The following C22orf31 variants were observed in gnomAD, a reference collection of about 807,000 sequenced individuals.
C22orf31 encodes uncharacterized protein C22orf31.
A neutral mutation model predicts 15.0 loss-of-function variants in C22orf31; 11 were observed. That is an observed-to-expected ratio of 0.73 (90% CI 0.46 to 1.21). The LOEUF (loss-of-function observed/expected upper bound fraction) is 1.21. Ranked by LOEUF, C22orf31 falls within the 50% of genes most tolerant of loss-of-function variation. C22orf31 has a pLI of 0.00. For missense variants in C22orf31, 340 were observed against 347.2 expected, an observed-to-expected ratio of 0.98 and a Z score of 0.17; for synonymous variants, 132 against 133.3, an observed-to-expected ratio of 0.99 and a Z score of 0.07.
chr22:29,060,520 G>C lies in C22orf31; in HGVS notation c.327C>G (p.Asp109Glu), dbSNP rs777003703. 1 of 1,613,960 alleles carries C rather than the reference G, an allele frequency of 6.2e-7. No individual in the cohort carries two copies. The change falls in exon 2 of 3, where the codon GAC (aspartate) becomes GAG (glutamate). Residue 109 changes from aspartate to glutamate, a missense_variant. Physicochemically the swap from Asp to Glu is conservative, Grantham distance 45. Transcript: ENST00000216071. Reference sequence around the variant, plus strand: ...GCTGGGTGGCTTTCATCACTGAATCGTCCTTGTGCTTTAATCTCTTCGAGA... The same window carrying C: ...GCTGGGTGGCTTTCATCACTGAATCCTCCTTGTGCTTTAATCTCTTCGAGA... Reference protein sequence around the residue: ...GKLSKRLKHKDDSVMKATQQA... With the variant: ...GKLSKRLKHKEDSVMKATQQA...
At position 29,059,086 on chromosome 22, in the gene C22orf31, C is replaced by G; in HGVS notation, c.529G>C (p.Asp177His). The part of the protein sequence containing the change: ...HVAATQALPQ[D>H]SGTAAWKGRV... ...CCCTTCCAGGCTGCTGTCCCACTGT[C>G]CTGGGGTAGCGCTTGGGTGGCAGCC... Residue 177 changes from aspartate (D) to histidine (H), a missense_variant, in exon 3 of 3, where the codon GAC becomes CAC. Physicochemically the swap from Asp to His is moderately conservative, Grantham distance 81. Coordinates refer to ENST00000216071, the MANE Select transcript of C22orf31 (RefSeq NM_015370.2). 1 of 1,614,188 alleles carries G rather than the reference C, an allele frequency of 6.2e-7. No individual in the cohort carries two copies. Among genetic ancestry groups the G allele is most frequent in the African/African-American group, 1.3e-5 (1 of 75,046 alleles).
chr22:29,068,759 C>CTTTT, the C22orf31 span, among the ~76,000 whole-genome samples: 1 of 113,116 alleles, frequency 8.8e-6, no homozygotes, highest in African/African-American at 3.5e-5. Flanking sequence ...CAACCTGGTA[C>CTTTT]TTTTTTTTTT....
chr22:29,059,340 C>T (rs560071235), intron 2 of C22orf31, among the ~76,000 whole-genome samples, 158 bp from the exon 3 acceptor site: 1 of 152,174 alleles, frequency 6.6e-6, no homozygotes, highest in Non-Finnish European at 1.5e-5. Flanking sequence ...CATACCACTG[C>T]ATGTGTTCCC....
upstream of C22orf31, among the ~76,000 whole-genome samples, chr22:29,064,221 C>G (rs2037414217): frequency 6.6e-6 from 1 of 152,228 alleles, no homozygotes. Flanking sequence ...CCTGGCCTCT[C>G]TGTTGGTCAG....
the C22orf31 span, chr22:29,073,066 C>A: frequency 1.0e-5 from 4 of 390,578 alleles, no homozygotes; most frequent in Non-Finnish European, 1.4e-5. This position sits in a 1 kb window ranked among gnomAD's most constrained non-coding sequence, Gnocchi z 4.4. Context: ...CCCATGGCCG[C>A]CCCCGGCTCC....
chr22:29,070,147 A>T, the C22orf31 span, among the ~76,000 whole-genome samples: 3 of 152,086 alleles, frequency 2.0e-5, no homozygotes, highest in African/African-American at 7.2e-5. Flanking sequence ...AGGTGTCACC[A>T]TGTTGGCCAG....
At chr22:29,060,255 C>T (rs1460543290) in intron 2 of C22orf31, among the ~76,000 whole-genome samples, 160 bp downstream of exon 2, 3 of 148,488 alleles carry the variant, frequency 2.0e-5, no homozygotes, top group African/African-American at 7.5e-5. Flanking sequence ...TGGTCTTGAA[C>T]TCTCTGAGCT....
At chr22:29,069,655 C>T in the C22orf31 span, among the ~76,000 whole-genome samples, 2 of 152,156 alleles carry the variant, frequency 1.3e-5, no homozygotes, top group Non-Finnish European at 2.9e-5. Context: ...CTGTTAAGTG[C>T]CATGACCTAG....
chr22:29,064,895 C>A (rs2037418977), upstream of C22orf31, among the ~76,000 whole-genome samples: 1 of 151,680 alleles, frequency 6.6e-6, no homozygotes, highest in African/African-American at 2.4e-5. Context: ...AATCTGTCAC[C>A]CAGGCTGAAG....
rs60535445 is a variant in C22orf31, at chr22:29,060,194, C to CTT, written c.432+219_432+220dup. 4.0e-3 allele frequency among the ~76,000 whole-genome samples: 520 copies of CTT among 128,796 alleles called. 4 individuals carry two copies. Among genetic ancestry groups the CTT allele is most frequent in the African/African-American group, 0.013 (455 of 33,954 alleles). 84.5% of individuals were successfully genotyped at this position (128,796 alleles called of 152,430 possible). A position where few individuals can be genotyped will look rare whatever the true frequency, so the allele number is the denominator to read the frequency against. ...TCACAGGCATGTGCATCATGCCTGG[C>CTT]TTTTTTTTTTTTTTTTTAGTAGAGA... On this transcript the variant is annotated intron_variant, in intron 2 of 2. Transcript: ENST00000216071.
intron 2 of C22orf31, chr22:29,059,622 A>G (rs2037360442): frequency 4.3e-6 from 4 of 923,854 alleles, no homozygotes; most frequent in South Asian, 5.0e-5. Flanking sequence ...GTCGTCCTCA[A>G]TTACAGTCCG....
chr22:29,060,421 G>A lies in C22orf31; in HGVS notation c.426C>T (p.Ile142=). 6.2e-7 allele frequency: 1 copy of A among 1,610,908 alleles called. No individual in the cohort carries two copies. The highest frequency in any genetic ancestry group is 8.5e-7 in the Non-Finnish European group (1 of 1,178,962). ...ACCACTGGTCCTCGTCTACCTCTCT[G>A]ATGCCTCCTGCAGGCCTCCTATGCC... ...PAGHRRPAGG[I]RESKESSKEK... Residue 142 remains isoleucine, a synonymous_variant, in exon 2 of 3, where the codon ATC becomes ATT. Coordinates refer to ENST00000216071, the MANE Select transcript of C22orf31 (RefSeq NM_015370.2).
In C22orf31 at chr22:29,061,753, C is replaced by T. The variant is rs376064149; in HGVS notation, c.3+37G>A. 3 of 1,472,592 alleles carry T rather than the reference C, an allele frequency of 2.0e-6. No homozygotes were observed. In the South Asian group the frequency reaches 3.7e-5, roughly 18 times the overall value. 91.2% of individuals were successfully genotyped at this position (1,472,592 alleles called of 1,614,324 possible). A position where few individuals can be genotyped will look rare whatever the true frequency, so the allele number is the denominator to read the frequency against. Reference sequence around the variant, plus strand: ...CACATATTTAAAGAGATCTGGCTTTCTAAGAAATGTCATCTATAGAAATAA... The same window carrying T: ...CACATATTTAAAGAGATCTGGCTTTTTAAGAAATGTCATCTATAGAAATAA... On this transcript the variant is annotated intron_variant, in intron 1 of 2. Coordinates refer to ENST00000216071, the MANE Select transcript of C22orf31 (RefSeq NM_015370.2).
upstream of C22orf31, among the ~76,000 whole-genome samples, chr22:29,066,539 C>CTTTTTTTTTTTTTTTTTTTTT (rs134565): frequency 5.8e-4 from 41 of 70,206 alleles, 3 homozygotes; most frequent in Admixed American, 1.2e-3. Context: ...CTTTTCTTTT[C>CTTTTTTTTTTTTTTTTTTTTT]TTTTTTTTTT....
the C22orf31 span, among the ~76,000 whole-genome samples, chr22:29,073,752 GC>G: frequency 6.8e-6 from 1 of 147,176 alleles, no homozygotes; most frequent in African/African-American, 2.5e-5. The surrounding 1 kb of genome is among the most constrained non-coding windows in gnomAD (Gnocchi z 4.4). Context: ...GGGCCAGGAG[GC>G]CCCCTGCTCC....
Position 29,058,861 on chromosome 22 carries a change from A to ATCT in C22orf31, c.753_754insAGA (p.Leu251_Cys252insArg). 1 of 1,614,144 alleles carries ATCT rather than the reference A, an allele frequency of 6.2e-7. No individual in the cohort carries two copies. The highest frequency in any genetic ancestry group is 8.5e-7 in the Non-Finnish European group (1 of 1,180,018). On this transcript the variant is annotated inframe_insertion, in exon 3 of 3. Transcript: ENST00000216071. Reference sequence around the variant, plus strand: ...CCTTCAGAGATGGCACCCTGACTGCAAAGAGCCTCCCAGAGCTTTTGTTTA... The same window carrying ATCT: ...CCTTCAGAGATGGCACCCTGACTGCATCTAAGAGCCTCCCAGAGCTTTTGTTTA...
At chr22:29,067,811 T>C in the C22orf31 span, among the ~76,000 whole-genome samples, 1,213 of 152,194 alleles carry the variant, frequency 8.0e-3, 12 homozygotes, top group African/African-American at 0.027. Flanking sequence ...AGTGGCTGTA[T>C]CCTCGTTCAC....
the C22orf31 span, among the ~76,000 whole-genome samples, chr22:29,072,889 G>A: frequency 6.6e-6 from 1 of 151,960 alleles, no homozygotes; most frequent in Non-Finnish European, 1.5e-5. Flanking sequence ...GGAGCAGCGC[G>A]CGGCCGGGGC....
the C22orf31 span, chr22:29,073,158 C>T: frequency 5.2e-6 from 6 of 1,149,906 alleles, no homozygotes; most frequent in African/African-American, 1.7e-5. The surrounding 1 kb of genome is among the most constrained non-coding windows in gnomAD (Gnocchi z 4.4). Context: ...CCGCCTCGCC[C>T]TGCTCTCCGC....
Sources: allele counts gnomAD v4.1 joint callset (sites outside exome capture counted in the v4.1 genomes callset), GRCh38; gene constraint gnomAD v4.1.1; non-coding constraint Gnocchi (gnomAD v3.1); transcripts MANE v1.5; gene names NCBI Gene and HGNC (gene_info 2026-07-23, HGNC 2026-07-21).